The following AGBL4 variants were observed in gnomAD, a reference collection of about 807,000 sequenced individuals.
AGBL4 encodes AGBL carboxypeptidase 4, also known as cytosolic carboxypeptidase 6.
In AGBL4, 58 loss-of-function variants were observed where a neutral mutation model predicts 66.4. The observed-to-expected ratio is 0.87, with a 90% CI of 0.71 to 1.09. AGBL4 has a LOEUF of 1.09. AGBL4 is among the 50% of genes least tolerant of loss of function. The probability of loss-of-function intolerance (pLI) is 0.00; values close to 1 mark genes in which losing one functional copy is unlikely to be tolerated. For missense variants in AGBL4, 579 were observed against 631.0 expected (o/e 0.92, Z 0.88); for synonymous variants, 234 against 222.9 (o/e 1.05, Z -0.44).
In AGBL4 at chr1:48,764,891, G is replaced by A. The variant is rs141749361; in HGVS notation, c.635-101650C>T. 6.0e-3 allele frequency among the ~76,000 whole-genome samples: 910 copies of A among 152,292 alleles called. 6 individuals are homozygous for A. The highest frequency in any genetic ancestry group is 0.01 in the Non-Finnish European group (690 of 68,020). On this transcript the variant is annotated intron_variant, in intron 6 of 13. Coordinates refer to ENST00000371839, the MANE Select transcript of AGBL4 (RefSeq NM_032785.4). ...CTGCCTGCTGGCTTCTGCTGGCTTGGGGCTTGGGGCAGGCTTGCTTCTGGA... is the reference window on the plus strand; with the variant it reads ...CTGCCTGCTGGCTTCTGCTGGCTTGAGGCTTGGGGCAGGCTTGCTTCTGGA...
At chr1:49,357,893 A>G (rs1484997501) in intron 3 of AGBL4, among the ~76,000 whole-genome samples, 2 of 152,128 alleles carry the variant, frequency 1.3e-5, no homozygotes, top group Non-Finnish European at 2.9e-5. Flanking sequence ...TCTTACTGGG[A>G]CACATGCTTC....
At chr1:48,642,911 C>T (rs925268609) in intron 8 of AGBL4, among the ~76,000 whole-genome samples, 10 of 152,164 alleles carry the variant, frequency 6.6e-5, no homozygotes, top group African/African-American at 2.4e-4. Context: ...CAAGTGTGGG[C>T]TCTGGAGCCA....
chr1:49,814,720 A>G (rs147028888), intron 2 of AGBL4, among the ~76,000 whole-genome samples: 14 of 152,290 alleles, frequency 9.2e-5, no homozygotes, highest in Non-Finnish European at 4.4e-5. Flanking sequence ...TACAAATATT[A>G]TATAAGACCA....
intron 3 of AGBL4, among the ~76,000 whole-genome samples, chr1:49,335,083 C>T (rs1645407093): frequency 6.6e-6 from 1 of 152,222 alleles, no homozygotes; most frequent in Admixed American, 6.5e-5. Flanking sequence ...GTCTAATAGG[C>T]ATCTTAGACT....
chr1:49,107,957 T>C (rs556529821), intron 4 of AGBL4, among the ~76,000 whole-genome samples: 2 of 152,322 alleles, frequency 1.3e-5, no homozygotes, highest in African/African-American at 4.8e-5. Flanking sequence ...GGCTTTGTGC[T>C]AATTTTACTT....
At chr1:49,585,376 T>C (rs772921598) in intron 3 of AGBL4, among the ~76,000 whole-genome samples, 54 of 152,122 alleles carry the variant, frequency 3.5e-4, no homozygotes, top group Non-Finnish European at 6.6e-4. Flanking sequence ...AACAGCTATA[T>C]TGGAAAAGCC....
At chr1:49,073,565 G>A (rs966899324) in intron 4 of AGBL4, among the ~76,000 whole-genome samples, 2 of 152,168 alleles carry the variant, frequency 1.3e-5, no homozygotes, top group Non-Finnish European at 2.9e-5. Flanking sequence ...GTTTGCCTGG[G>A]TATCACCAGT....
intron 1 of AGBL4, among the ~76,000 whole-genome samples, chr1:49,948,120 A>G (rs1325056446): frequency 6.2e-5 from 5 of 80,154 alleles, no homozygotes; most frequent in East Asian, 1.7e-3. Context: ...AAATGTATGT[A>G]AATATATATA....
chr1:49,710,409 GA>G (rs1647562014), intron 2 of AGBL4, among the ~76,000 whole-genome samples: 1 of 152,042 alleles, frequency 6.6e-6, no homozygotes, highest in African/African-American at 2.4e-5. Context: ...TGGGTACAGG[GA>G]AGGGAACATT....
chr1:49,469,409 CAATCA>C (rs1438521023), intron 3 of AGBL4, among the ~76,000 whole-genome samples: 1 of 151,704 alleles, frequency 6.6e-6, no homozygotes, highest in South Asian at 2.1e-4. Flanking sequence ...AGTCTCCTTC[CAATCA>C]AATAAGAGAT....
intron 3 of AGBL4, among the ~76,000 whole-genome samples, chr1:49,455,858 G>C (rs1407356114): frequency 3.3e-5 from 5 of 151,484 alleles, no homozygotes; most frequent in Non-Finnish European, 5.9e-5. Context: ...ACCTCCCAAG[G>C]TCTTGGTACT....
intron 4 of AGBL4, among the ~76,000 whole-genome samples, chr1:49,073,834 G>T (rs1449951845): frequency 6.6e-6 from 1 of 152,208 alleles, no homozygotes; most frequent in African/African-American, 2.4e-5. Context: ...ATTTAAGTCT[G>T]CTGAAGCTGT....
chr1:50,002,334 T>C (rs981162358), intron 1 of AGBL4, among the ~76,000 whole-genome samples: 1 of 151,644 alleles, frequency 6.6e-6, no homozygotes, highest in African/African-American at 2.4e-5. Flanking sequence ...TCCGATTTAT[T>C]TGAGCCCTTA....
chr1:49,228,264 C>T (rs968856278), intron 4 of AGBL4, among the ~76,000 whole-genome samples: 1 of 152,176 alleles, frequency 6.6e-6, no homozygotes, highest in African/African-American at 2.4e-5. Context: ...TACATCAATA[C>T]ACAAACGAAA....
intron 2 of AGBL4, among the ~76,000 whole-genome samples, chr1:49,698,887 G>A (rs1410802311): frequency 6.6e-6 from 1 of 151,992 alleles, no homozygotes; most frequent in East Asian, 1.9e-4. Context: ...GGCATATAGT[G>A]TCCAATAATA....
intron 7 of AGBL4, among the ~76,000 whole-genome samples, chr1:48,662,789 C>T (rs1179927030): frequency 6.6e-6 from 1 of 152,178 alleles, no homozygotes; most frequent in East Asian, 1.9e-4. Context: ...CCAACATACA[C>T]ATTGACCTGG....
chr1:48,882,119 C>T (rs751021159), intron 5 of AGBL4, among the ~76,000 whole-genome samples: 9 of 152,164 alleles, frequency 5.9e-5, no homozygotes, highest in Non-Finnish European at 1.2e-4. Flanking sequence ...GGGGCATATA[C>T]TACCAGTCTT....
intron 3 of AGBL4, among the ~76,000 whole-genome samples, chr1:49,673,755 C>T (rs375818983): frequency 6.6e-6 from 1 of 151,696 alleles, no homozygotes; most frequent in Non-Finnish European, 1.5e-5. Context: ...ATAAAATGGC[C>T]TCCACCTGTA....
Position 49,917,303 on chromosome 1 carries a change from C to G in AGBL4, c.35-65785G>C, listed in dbSNP as rs140384194. On this transcript the variant is annotated intron_variant, in intron 1 of 13. Transcript: ENST00000371839. ...GACACAGACTGGCAAATTGGATAAA[C>G]ACTCAAGATCCATCAGTGTGCTGTA... Among the ~76,000 whole-genome samples, 12 of 151,956 alleles carry G rather than the reference C, an allele frequency of 7.9e-5. No homozygotes were observed. In the East Asian group the frequency reaches 2.1e-3, roughly 27 times the overall value.
Sources: allele counts gnomAD v4.1 joint callset (sites outside exome capture counted in the v4.1 genomes callset), GRCh38; gene constraint gnomAD v4.1.1; transcripts MANE v1.5; gene names NCBI Gene and HGNC (gene_info 2026-07-23, HGNC 2026-07-21).